CSMD2: variants seen among roughly 807,000 people sequenced by gnomAD.
CSMD2 encodes CUB and sushi domain-containing protein 2.
In CSMD2, 130 loss-of-function variants were observed where a neutral mutation model predicts 398.5. The ratio of observed to expected loss-of-function variants is 0.33; its 90% confidence interval spans 0.28 to 0.38. The LOEUF (loss-of-function observed/expected upper bound fraction) is 0.38, where lower values mean the gene tolerates loss of function less well. Among genes scored for constraint, CSMD2 ranks in the 10% least tolerant of loss-of-function variants. The pLI is 1.00. For missense variants in CSMD2, 3,829 were observed against 4,764.9 expected, an observed-to-expected ratio of 0.80 and a Z score of 5.78; for synonymous variants, 1,828 against 1,908.5, an observed-to-expected ratio of 0.96 and a Z score of 1.10.
rs10914871 is a variant in CSMD2, at chr1:34,133,286, G to T, written c.187+31625C>A. 1.8e-3 allele frequency among the ~76,000 whole-genome samples: 270 copies of T among 152,274 alleles called. 1 individual carries two copies. Among genetic ancestry groups the T allele is most frequent in the African/African-American group, 6.1e-3 (254 of 41,566 alleles). On this transcript the variant is annotated intron_variant, in intron 1 of 70. Transcript: ENST00000373381. ...AGCACTGAACTCTGCACTTGAAGTT[G>T]TCTGAATAATAGAAAAGCAAGCCTT... is the stretch of plus-strand genomic sequence containing the variant.
chr1:33,730,538 C>A (rs796590024), intron 15 of CSMD2, among the ~76,000 whole-genome samples: 36 of 151,706 alleles, frequency 2.4e-4, no homozygotes, highest in African/African-American at 8.5e-4. Context: ...GTAGCATAAT[C>A]CCACATGAAG....
At chr1:33,662,864 G>A in intron 26 of CSMD2, 26 bp downstream of exon 26, 10 of 1,607,992 alleles carry the variant, frequency 6.2e-6, no homozygotes, top group Non-Finnish European at 8.5e-6. Flanking sequence ...CATGTGGAGT[G>A]GGGCTGGCAG....
chr1:33,596,496 T>C (rs537901536), intron 44 of CSMD2, among the ~76,000 whole-genome samples: 4 of 152,238 alleles, frequency 2.6e-5, no homozygotes, highest in African/African-American at 9.6e-5. Flanking sequence ...ATACCTGAGA[T>C]TGGGTATTTT....
intron 32 of CSMD2, among the ~76,000 whole-genome samples, chr1:33,627,499 C>A (rs930009887): frequency 1.3e-5 from 2 of 152,100 alleles, no homozygotes; most frequent in African/African-American, 4.8e-5. Context: ...ATTCTCAGGA[C>A]GAAGCAGGGA....
intron 4 of CSMD2, among the ~76,000 whole-genome samples, chr1:33,924,456 G>A (rs1433187392): frequency 6.6e-6 from 1 of 152,174 alleles, no homozygotes; most frequent in Non-Finnish European, 1.5e-5. Context: ...GTGCACTTGT[G>A]TTGATTCCAT....
At chr1:33,586,042 C>T (rs375214744) in intron 46 of CSMD2, among the ~76,000 whole-genome samples, 5 of 152,154 alleles carry the variant, frequency 3.3e-5, no homozygotes, top group Non-Finnish European at 7.3e-5. Context: ...CTCGCTGAAG[C>T]GAATTCATTT....
Position 33,630,143 on chromosome 1 carries a change from C to T in CSMD2, c.5200+3279G>A, listed in dbSNP as rs78264193. 4.6e-3 allele frequency among the ~76,000 whole-genome samples: 702 copies of T among 151,970 alleles called. 8 individuals carry two copies. The highest frequency in any genetic ancestry group is 0.016 in the African/African-American group (663 of 41,438). On this transcript the variant is annotated intron_variant, in intron 32 of 70. Transcript: ENST00000373381. ...TTCTATTGGTCCTATACACCTATAT[C>T]TACATCCATATTTACATCTATAGGT...
intron 36 of CSMD2, among the ~76,000 whole-genome samples, chr1:33,622,736 T>C (rs1031486677): frequency 6.2e-4 from 95 of 152,194 alleles, no homozygotes; most frequent in African/African-American, 2.3e-3. Flanking sequence ...AGTCCATTAC[T>C]AGAATGGCAA....
At chr1:33,676,207 A>T (rs1286996089) in intron 25 of CSMD2, among the ~76,000 whole-genome samples, 1 of 152,096 alleles carries the variant, frequency 6.6e-6, no homozygotes, top group Non-Finnish European at 1.5e-5. Flanking sequence ...TATCTAGAAA[A>T]CCCCATCATC....
At chr1:33,961,687 T>C (rs528001865) in intron 3 of CSMD2, among the ~76,000 whole-genome samples, 1 of 152,146 alleles carries the variant, frequency 6.6e-6, no homozygotes, top group Admixed American at 6.5e-5. Flanking sequence ...AATGAGTGAG[T>C]TCTCACTCCA....
At chr1:33,784,227 G>C (rs1279846976) in intron 12 of CSMD2, among the ~76,000 whole-genome samples, 1 of 152,136 alleles carries the variant, frequency 6.6e-6, no homozygotes, top group African/African-American at 2.4e-5. Flanking sequence ...AGGGGCAGTG[G>C]GGAGCCATGG....
Position 33,537,586 on chromosome 1 carries a change from C to T in CSMD2, c.9655G>A (p.Val3219Ile), listed in dbSNP as rs754278765. ...CFPVFCGDPGVPSRGRREDRG... is the reference protein window; with the variant it reads ...CFPVFCGDPGIPSRGRREDRG... Reference sequence around the variant, plus strand: ...TCCTCTCTCCTCCCACGGGACGGGACACCAGGATCCCCGCAGAACACAGCT... The same window carrying T: ...TCCTCTCTCCTCCCACGGGACGGGATACCAGGATCCCCGCAGAACACAGCT... The change falls in exon 61 of 71, where the codon GTC becomes ATC. Residue 3219 changes from valine to isoleucine, a missense_variant. Transcript: ENST00000373381. This position sits in a 1 kb window ranked among gnomAD's most constrained non-coding sequence, Gnocchi z 4.6. 3.7e-6 allele frequency: 6 copies of T among 1,613,782 alleles called. No homozygotes were observed. The highest frequency in any genetic ancestry group is 5.1e-6 in the Non-Finnish European group (6 of 1,179,806).
intron 6 of CSMD2, among the ~76,000 whole-genome samples, chr1:33,837,391 A>T (rs939476340): frequency 2.2e-5 from 3 of 137,076 alleles, no homozygotes; most frequent in African/African-American, 8.7e-5. Flanking sequence ...TTGTACATGG[A>T]TTTTTTTTCA....
intron 58 of CSMD2, among the ~76,000 whole-genome samples, chr1:33,542,374 G>A (rs1331201942): frequency 6.6e-6 from 1 of 152,198 alleles, no homozygotes; most frequent in Non-Finnish European, 1.5e-5. Flanking sequence ...AGAGATAAAA[G>A]GGAAAGCCCA....
intron 52 of CSMD2, 138 bp from the exon 53 acceptor site, chr1:33,567,979 C>G: frequency 1.0e-6 from 1 of 1,001,698 alleles, no homozygotes; most frequent in South Asian, 1.7e-5. Flanking sequence ...GACTTGGCAC[C>G]CCAAATCCCA....
Position 33,519,448 on chromosome 1 carries a change from C to T in CSMD2, c.*53+17G>A. ...TGTGCTTGTCATGGCCTGTCTTCCT[C>T]CCACACCCCTGCTCACCGGCTGCTG... is the stretch of plus-strand genomic sequence containing the variant. On this transcript the variant is annotated intron_variant, in intron 70 of 70. Coordinates refer to ENST00000373381, the MANE Select transcript of CSMD2 (RefSeq NM_001281956.2). This position sits in a 1 kb window ranked among gnomAD's most constrained non-coding sequence, Gnocchi z 5.6. The T allele has an allele frequency of 6.6e-7, 1 of 1,521,442 alleles. No individual in the cohort carries two copies. Among genetic ancestry groups the T allele is most frequent in the Non-Finnish European group, 9.0e-7 (1 of 1,106,710 alleles). 94.2% of individuals were successfully genotyped at this position (1,521,442 alleles called of 1,614,324 possible).
intron 7 of CSMD2, among the ~76,000 whole-genome samples, chr1:33,823,287 G>A (rs567528297): frequency 3.9e-5 from 6 of 152,358 alleles, no homozygotes; most frequent in African/African-American, 1.4e-4. Flanking sequence ...GCAGGGGATG[G>A]TGGTCCCACG....
Position 33,673,943 on chromosome 1 carries a change from AAG to A in CSMD2, c.4053-10853_4053-10852del, listed in dbSNP as rs549649021. 2.6e-3 allele frequency among the ~76,000 whole-genome samples: 395 copies of A among 152,354 alleles called. 1 individual carries two copies. Among genetic ancestry groups the A allele is most frequent in the Non-Finnish European group, 4.3e-3 (292 of 68,028 alleles). ...TTTGTCACCACCAGGCCTGCCCTAAAAGAGCTCCTGAAGGAAGCACTAAACAT... is the reference window on the plus strand; with the variant it reads ...TTTGTCACCACCAGGCCTGCCCTAAAAGCTCCTGAAGGAAGCACTAAACAT... On this transcript the variant is annotated intron_variant, in intron 25 of 70. Coordinates refer to ENST00000373381, the MANE Select transcript of CSMD2 (RefSeq NM_001281956.2).
chr1:33,966,116 T>TA (rs1645547801), intron 3 of CSMD2, among the ~76,000 whole-genome samples: 1 of 152,146 alleles, frequency 6.6e-6, no homozygotes, highest in African/African-American at 2.4e-5. Context: ...ACCCAAATCT[T>TA]ACAGGACAGG....
Sources: gnomAD v4.1 joint callset for allele counts (sites outside exome capture counted in the v4.1 genomes callset) on GRCh38, gnomAD v4.1.1 for gene constraint, Gnocchi (gnomAD v3.1) non-coding constraint, MANE v1.5 for transcripts, NCBI Gene and HGNC (gene_info 2026-07-23, HGNC 2026-07-21) for gene names.